Variants in PACRG observed in about 807,000 individuals in gnomAD.
PACRG encodes the protein parkin coregulated.
A neutral mutation model predicts 29.7 loss-of-function variants in PACRG; 29 were observed. That is an observed-to-expected ratio of 0.98 (90% CI 0.73 to 1.33). The LOEUF (loss-of-function observed/expected upper bound fraction) is 1.33, where lower values mean the gene tolerates loss of function less well. Among genes scored for constraint, PACRG ranks in the 40% most tolerant of loss-of-function variants. PACRG has a pLI of 0.00. For missense variants in PACRG, 279 were observed against 316.2 expected, an observed-to-expected ratio of 0.88 and a Z score of 0.89; for synonymous variants, 116 against 118.7, an observed-to-expected ratio of 0.98 and a Z score of 0.15.
At chr6:162,839,981 G>T (rs1456343282) in intron 2 of PACRG, among the ~76,000 whole-genome samples, 2 of 130,028 alleles carry the variant, frequency 1.5e-5, no homozygotes, top group Admixed American at 8.0e-5. Flanking sequence ...GTACCATGCT[G>T]TTTTGGTTAC....
At chr6:163,225,352 G>A (rs890724363) in intron 4 of PACRG, among the ~76,000 whole-genome samples, 6 of 152,268 alleles carry the variant, frequency 3.9e-5, no homozygotes, top group Admixed American at 1.3e-4. Flanking sequence ...GAGTTCTCAC[G>A]AGATCTGATG....
chr6:163,167,142 C>T (rs2128344624), intron 4 of PACRG, among the ~76,000 whole-genome samples: 1 of 152,296 alleles, frequency 6.6e-6, no homozygotes. Flanking sequence ...GCTGTTGTTC[C>T]AGTTTGCTGG....
intron 4 of PACRG, among the ~76,000 whole-genome samples, chr6:163,228,379 CAAAAAAAAAAAAAAA>C (rs11362557): frequency 1.5e-5 from 1 of 68,166 alleles, no homozygotes; most frequent in African/African-American, 6.0e-5. Context: ...TTTAAGCAGG[CAAAAAAAAAAAAAAA>C]AAAAAAAAAA....
At chr6:162,762,617 A>G (rs1054198600) in intron 1 of PACRG, among the ~76,000 whole-genome samples, 1 of 152,230 alleles carries the variant, frequency 6.6e-6, no homozygotes, top group Non-Finnish European at 1.5e-5. Context: ...TCATAACAGC[A>G]CTTAATATGG....
intron 2 of PACRG, among the ~76,000 whole-genome samples, chr6:162,945,083 A>T (rs1264595975): frequency 6.6e-6 from 1 of 152,110 alleles, no homozygotes; most frequent in Non-Finnish European, 1.5e-5. Context: ...AATGCTAAAC[A>T]TTAACAGAGA....
intron 2 of PACRG, among the ~76,000 whole-genome samples, chr6:163,053,689 A>G (rs745426703): frequency 6.6e-6 from 1 of 152,202 alleles, no homozygotes; most frequent in Non-Finnish European, 1.5e-5. Flanking sequence ...TATTTTATTT[A>G]CAGAATACAT....
At chr6:163,255,229 G>A (rs926027635) in intron 4 of PACRG, among the ~76,000 whole-genome samples, 1 of 152,178 alleles carries the variant, frequency 6.6e-6, no homozygotes, top group Non-Finnish European at 1.5e-5. Context: ...GGAAAGGAGA[G>A]CCCGAATAAA....
chr6:162,897,339 T>G (rs1265004988), intron 2 of PACRG, among the ~76,000 whole-genome samples: 1 of 152,216 alleles, frequency 6.6e-6, no homozygotes, highest in Non-Finnish European at 1.5e-5. Context: ...AGTCATAGTT[T>G]CGTATTCTTT....
At chr6:162,902,479 G>T (rs1795630344) in intron 2 of PACRG, among the ~76,000 whole-genome samples, 3 of 152,110 alleles carry the variant, frequency 2.0e-5, no homozygotes, top group Non-Finnish European at 4.4e-5. Flanking sequence ...TTACTTTTAA[G>T]AAACAAAATG....
At chr6:162,881,876 G>T (rs1158189129) in intron 2 of PACRG, among the ~76,000 whole-genome samples, 1 of 136,918 alleles carries the variant, frequency 7.3e-6, no homozygotes, top group East Asian at 2.3e-4. Flanking sequence ...ACCAGGGGGC[G>T]CTCTCCACCA....
intron 4 of PACRG, among the ~76,000 whole-genome samples, chr6:163,294,570 G>C (rs543497666): frequency 4.6e-5 from 7 of 152,106 alleles, no homozygotes; most frequent in South Asian, 2.1e-4. Context: ...GGATCAGTTA[G>C]GAACAACTTT....
At chr6:162,901,783 C>T (rs563821396) in intron 2 of PACRG, among the ~76,000 whole-genome samples, 58 of 152,238 alleles carry the variant, frequency 3.8e-4, no homozygotes, top group African/African-American at 1.1e-3. Context: ...CCATTCCTAG[C>T]GGGTAAAGAT....
intron 2 of PACRG, among the ~76,000 whole-genome samples, chr6:162,878,187 T>C (rs1793533554): frequency 6.6e-6 from 1 of 152,200 alleles, no homozygotes; most frequent in Non-Finnish European, 1.5e-5. Flanking sequence ...GATGCAAGTG[T>C]AAAGTGTAAG....
chr6:162,911,619 T>C (rs1796308210), intron 2 of PACRG, among the ~76,000 whole-genome samples: 1 of 152,222 alleles, frequency 6.6e-6, no homozygotes, highest in African/African-American at 2.4e-5. Context: ...ATTCTCTAGG[T>C]TTATAACCAG....
intron 4 of PACRG, among the ~76,000 whole-genome samples, chr6:163,112,473 C>T (rs529795679): frequency 3.3e-5 from 5 of 152,264 alleles, no homozygotes; most frequent in African/African-American, 1.2e-4. Flanking sequence ...CTGTATCCCT[C>T]CCTCATTTGT....
intron 4 of PACRG, among the ~76,000 whole-genome samples, chr6:163,258,754 C>A (rs921207174): frequency 1.4e-3 from 175 of 121,282 alleles, no homozygotes; most frequent in Admixed American, 2.0e-3. Flanking sequence ...GAATCCATCT[C>A]AAAAAAAAAA....
At chr6:163,100,553 G>C (rs778355948) in intron 4 of PACRG, among the ~76,000 whole-genome samples, 1 of 152,144 alleles carries the variant, frequency 6.6e-6, no homozygotes, top group African/African-American at 2.4e-5. Context: ...AGTTCCCCGC[G>C]ACTCTTTAAG....
chr6:162,757,582 C>T (rs1053450419), intron 1 of PACRG, among the ~76,000 whole-genome samples: 4 of 152,116 alleles, frequency 2.6e-5, no homozygotes, highest in African/African-American at 9.7e-5. Flanking sequence ...TTGGTGCACA[C>T]ATGTAATCCC....
intron 2 of PACRG, among the ~76,000 whole-genome samples, chr6:162,993,089 C>T (rs1384587355): frequency 3.4e-5 from 5 of 145,198 alleles, no homozygotes; most frequent in Non-Finnish European, 7.6e-5. Flanking sequence ...AGTTTGATTG[C>T]ACTGTGGTCT....
Sources: gnomAD v4.1 joint callset for allele counts (sites outside exome capture counted in the v4.1 genomes callset) on GRCh38, gnomAD v4.1.1 for gene constraint, MANE v1.5 for transcripts, NCBI Gene and HGNC (gene_info 2026-07-23, HGNC 2026-07-21) for gene names.